The following KCNJ6 variants were observed in gnomAD, a reference collection of about 807,000 sequenced individuals.
The protein encoded by KCNJ6 is potassium inwardly rectifying channel subfamily J member 6, also known as G protein-activated inward rectifier potassium channel 2.
In KCNJ6, 9 loss-of-function variants were observed where a neutral mutation model predicts 34.2. The ratio of observed to expected loss-of-function variants is 0.26; its 90% CI spans 0.16 to 0.46. The LOEUF is 0.46. Among genes scored for constraint, KCNJ6 ranks in the 20% least tolerant of loss-of-function variants. The pLI is 1.00. For synonymous variants in KCNJ6, 196 were observed against 207.1 expected, an observed-to-expected ratio of 0.95 and a Z score of 0.46; for missense variants, 236 against 531.3, an observed-to-expected ratio of 0.44 and a Z score of 5.46.
chr21:37,661,518 A>C, intron 3 of KCNJ6, among the ~76,000 whole-genome samples: 1 of 151,876 alleles, frequency 6.6e-6, no homozygotes, highest in Non-Finnish European at 1.5e-5. Context: ...GAACAGAAGT[A>C]ATGCTGAATC....
intron 2 of KCNJ6, among the ~76,000 whole-genome samples, chr21:37,767,641 G>C (rs1278256084): frequency 2.0e-5 from 3 of 152,218 alleles, no homozygotes; most frequent in Non-Finnish European, 4.4e-5. Context: ...CTAGATCTAA[G>C]AAAGTGATGG....
intron 2 of KCNJ6, among the ~76,000 whole-genome samples, chr21:37,738,123 A>C (rs957274776): frequency 3.9e-5 from 6 of 152,204 alleles, no homozygotes; most frequent in African/African-American, 1.4e-4. Context: ...GCTCACACAG[A>C]CAGCCAGCAT....
chr21:37,836,677 G>A (rs1423583080), intron 2 of KCNJ6, among the ~76,000 whole-genome samples: 1 of 152,250 alleles, frequency 6.6e-6, no homozygotes, highest in East Asian at 1.9e-4. Flanking sequence ...CTCATAGGTG[G>A]AAGTTGAACA....
chr21:37,644,974 G>C lies in KCNJ6; in HGVS notation c.947-19490C>G, dbSNP rs1006282052. ...TGGGGAGGAGGGCTGATGAGCAAGGGAAGAAGAAAGGAGAGCATCACTGGT... is the reference window on the plus strand; with the variant it reads ...TGGGGAGGAGGGCTGATGAGCAAGGCAAGAAGAAAGGAGAGCATCACTGGT... On this transcript the variant is annotated intron_variant, in intron 3 of 3. Coordinates refer to ENST00000609713, the MANE Select transcript of KCNJ6 (RefSeq NM_002240.5). Among the ~76,000 whole-genome samples, 24 of 150,454 alleles carry C rather than the reference G, an allele frequency of 1.6e-4. No homozygotes were observed. The East Asian group carries it at 4.7e-3, about 29-fold the overall frequency.
intron 3 of KCNJ6, among the ~76,000 whole-genome samples, chr21:37,653,223 T>C (rs1440469424): frequency 6.6e-6 from 1 of 152,200 alleles, no homozygotes; most frequent in Non-Finnish European, 1.5e-5. Flanking sequence ...AGAATTTTAC[T>C]GAATTCATGG....
chr21:37,801,408 G>T (rs149407149), intron 2 of KCNJ6, among the ~76,000 whole-genome samples: 3 of 152,182 alleles, frequency 2.0e-5, no homozygotes, highest in African/African-American at 2.4e-5. Flanking sequence ...TGGGACGCTT[G>T]GTTGTCCTGC....
chr21:37,822,512 G>A (rs2055377969), intron 2 of KCNJ6, among the ~76,000 whole-genome samples: 1 of 152,184 alleles, frequency 6.6e-6, no homozygotes, highest in Non-Finnish European at 1.5e-5. Flanking sequence ...GAATGGGTAC[G>A]GGCTATTGTT....
rs1284298610 is a variant in KCNJ6 at position 37,615,091 on chromosome 21, C to A, written c.*10068G>T. On this transcript the variant is annotated 3_prime_UTR_variant, in exon 4 of 4. Coordinates refer to ENST00000609713, the MANE Select transcript of KCNJ6 (RefSeq NM_002240.5). ...ATTGCGGAAAGTTCTCATCTACCCT[C>A]TAATGCCCCATGAGACACAGCAAGC... 6.6e-6 allele frequency: 1 copy of A among 152,164 alleles called. No individual in the cohort carries two copies. Among genetic ancestry groups the A allele is most frequent in the Non-Finnish European group, 1.5e-5 (1 of 68,038 alleles). The allele number at this position is 152,164 out of a possible 1,614,324, so 9.4% of individuals were successfully genotyped here. A position where few individuals can be genotyped will look rare whatever the true frequency, so the allele number is the denominator to read the frequency against.
intron 2 of KCNJ6, among the ~76,000 whole-genome samples, chr21:37,779,450 A>T (rs2055158760): frequency 6.6e-6 from 1 of 152,284 alleles, no homozygotes; most frequent in Admixed American, 6.5e-5. Flanking sequence ...GGGACCATGA[A>T]CTTGTCAAAA....
chr21:37,712,905 A>C (rs1190223900), intron 3 of KCNJ6, among the ~76,000 whole-genome samples: 15 of 151,880 alleles, frequency 9.9e-5, no homozygotes. Flanking sequence ...CTTATTTTGC[A>C]ACAGTGACTT....
chr21:37,877,298 G>A (rs540136681), intron 1 of KCNJ6, among the ~76,000 whole-genome samples: 2 of 152,244 alleles, frequency 1.3e-5, no homozygotes, highest in South Asian at 2.1e-4. Context: ...CCCTGCCAAA[G>A]GTATTATCTG....
At chr21:37,838,157 TCAA>T (rs1601495035) in intron 2 of KCNJ6, among the ~76,000 whole-genome samples, 1 of 152,224 alleles carries the variant, frequency 6.6e-6, no homozygotes, top group African/African-American at 2.4e-5. Flanking sequence ...GATTCGGAAT[TCAA>T]CTTTGATAGA....
intron 2 of KCNJ6, among the ~76,000 whole-genome samples, chr21:37,834,770 C>T (rs2123571792): frequency 6.6e-6 from 1 of 152,268 alleles, no homozygotes; most frequent in South Asian, 2.1e-4. Context: ...GGAGGAATTC[C>T]CTCTATATCA....
chr21:37,810,536 A>G (rs2055317575), intron 2 of KCNJ6, among the ~76,000 whole-genome samples: 1 of 152,186 alleles, frequency 6.6e-6, no homozygotes, highest in Non-Finnish European at 1.5e-5. Context: ...ACCGTTACCC[A>G]CCTGGTGTTG....
intron 2 of KCNJ6, among the ~76,000 whole-genome samples, chr21:37,718,483 T>G (rs2054806369): frequency 6.6e-6 from 1 of 152,208 alleles, no homozygotes; most frequent in Non-Finnish European, 1.5e-5. Context: ...GTGTTTGTAA[T>G]GAATTAGTCT....
chr21:37,831,168 G>C (rs1374192100), intron 2 of KCNJ6, among the ~76,000 whole-genome samples: 1 of 152,156 alleles, frequency 6.6e-6, no homozygotes, highest in East Asian at 1.9e-4. Flanking sequence ...ATCTCAACCA[G>C]GAAGCAATTA....
intron 3 of KCNJ6, among the ~76,000 whole-genome samples, chr21:37,656,274 C>T (rs2054463596): frequency 6.6e-6 from 1 of 152,144 alleles, no homozygotes; most frequent in East Asian, 1.9e-4. Flanking sequence ...TGCTCAGGGT[C>T]CACAGAATCT....
chr21:37,898,303 T>G (rs8134671), intron 1 of KCNJ6, among the ~76,000 whole-genome samples: 1 of 152,206 alleles, frequency 6.6e-6, no homozygotes, highest in Admixed American at 6.5e-5. Context: ...ATTGTTCCCA[T>G]TGGATTTCAT....
At chr21:37,854,641 GA>G (rs2055555335) in intron 1 of KCNJ6, among the ~76,000 whole-genome samples, 2 of 152,162 alleles carry the variant, frequency 1.3e-5, no homozygotes, top group African/African-American at 4.8e-5. Context: ...AAGAAAACTT[GA>G]AATGTTCCCA....
Sources: gnomAD v4.1 joint callset for allele counts (sites outside exome capture counted in the v4.1 genomes callset) on GRCh38, gnomAD v4.1.1 for gene constraint, MANE v1.5 for transcripts, NCBI Gene and HGNC (gene_info 2026-07-23, HGNC 2026-07-21) for gene names.